FGF10: variants seen among roughly 807,000 people sequenced by gnomAD.
FGF10 encodes FGF-10.
In FGF10, 2 loss-of-function variants were observed where a neutral mutation model predicts 19.8. The observed-to-expected ratio is 0.10, with a 90% CI of 0.04 to 0.32. The LOEUF (loss-of-function observed/expected upper bound fraction) is 0.32, where lower values mean the gene tolerates loss of function less well. Ranked by LOEUF, FGF10 falls within the 10% of genes least tolerant of loss-of-function variation. The pLI, the probability that FGF10 is intolerant of heterozygous loss-of-function variation, is 1.00. For missense variants in FGF10, 191 were observed against 246.3 expected, an observed-to-expected ratio of 0.78 and a Z score of 1.50; for synonymous variants, 112 against 94.0, an observed-to-expected ratio of 1.19 and a Z score of -1.10.
At chr5:44,357,534 A>G (rs1316058253) in intron 1 of FGF10, among the ~76,000 whole-genome samples, 5 of 151,542 alleles carry the variant, frequency 3.3e-5, no homozygotes, top group African/African-American at 7.3e-5. Flanking sequence ...TGAGTGAGGT[A>G]CAATTAGTAT....
chr5:44,367,993 C>T (rs1279860530), intron 1 of FGF10, among the ~76,000 whole-genome samples: 1 of 151,546 alleles, frequency 6.6e-6, no homozygotes, highest in Non-Finnish European at 1.5e-5. Context: ...CATAGGGAAA[C>T]AAGGATTTTT....
intron 1 of FGF10, among the ~76,000 whole-genome samples, chr5:44,338,592 C>G (rs1290906340): frequency 2.0e-5 from 3 of 152,124 alleles, no homozygotes; most frequent in African/African-American, 7.2e-5. Flanking sequence ...AAAAGATCAG[C>G]AAAGCTTTTC....
chr5:44,357,312 C>G (rs956850598), intron 1 of FGF10, among the ~76,000 whole-genome samples: 1 of 151,398 alleles, frequency 6.6e-6, no homozygotes, highest in Admixed American at 6.6e-5. Flanking sequence ...AAAGTCACAG[C>G]TTCCCAGTGT....
intron 1 of FGF10, among the ~76,000 whole-genome samples, chr5:44,313,524 T>A (rs929049066): frequency 1.7e-4 from 26 of 151,978 alleles, no homozygotes; most frequent in Non-Finnish European, 3.4e-4. Context: ...ATACTGGATC[T>A]CCCCGTGTTT....
intron 1 of FGF10, among the ~76,000 whole-genome samples, chr5:44,325,141 T>G (rs893209685): frequency 6.6e-6 from 1 of 152,206 alleles, no homozygotes; most frequent in East Asian, 1.9e-4. Context: ...AAAATGCTCA[T>G]CATCACTGGC....
chr5:44,347,327 C>T (rs1464359367), intron 1 of FGF10, among the ~76,000 whole-genome samples: 1 of 151,658 alleles, frequency 6.6e-6, no homozygotes, highest in African/African-American at 2.4e-5. Flanking sequence ...GTCACACTCT[C>T]CTGCCTAAAA....
chr5:44,373,165 A>G (rs563017899), intron 1 of FGF10, among the ~76,000 whole-genome samples: 2 of 152,292 alleles, frequency 1.3e-5, no homozygotes, highest in East Asian at 3.9e-4. Context: ...GATTCATGCC[A>G]TGAGAGGGTT....
At chr5:44,316,306 G>C (rs1303810697) in intron 1 of FGF10, among the ~76,000 whole-genome samples, 1 of 152,144 alleles carries the variant, frequency 6.6e-6, no homozygotes, top group Non-Finnish European at 1.5e-5. Flanking sequence ...CTGGCCTATA[G>C]CTCATAGGGT....
intron 1 of FGF10, among the ~76,000 whole-genome samples, chr5:44,342,967 C>G (rs1741002009): frequency 6.6e-6 from 1 of 151,858 alleles, no homozygotes; most frequent in African/African-American, 2.4e-5. Context: ...ATTTCCTCAC[C>G]ATTCCATCAA....
At chr5:44,376,394 T>C (rs1430442988) in intron 1 of FGF10, among the ~76,000 whole-genome samples, 1 of 150,006 alleles carries the variant, frequency 6.7e-6, no homozygotes, top group Non-Finnish European at 1.5e-5. Context: ...AACACTTACA[T>C]GTACTCCTTT....
rs569753513 is a variant in FGF10, at chr5:44,369,989, G to T, written c.325+18369C>A. On this transcript the variant is annotated intron_variant, in intron 1 of 2. Coordinates refer to ENST00000264664, the MANE Select transcript of FGF10 (RefSeq NM_004465.2). The stretch of plus-strand genomic sequence containing the variant: ...TTATTGTTTTTTAGAGATTATTAAA[G>T]TTCAGATTTCTATGTGTGAACATAT... Among the ~76,000 whole-genome samples the T allele has an allele frequency of 1.3e-4, 19 of 151,994 alleles. 1 individual carries two copies. The South Asian group carries it at 2.1e-3, about 17-fold the overall frequency.
chr5:44,336,541 T>C (rs1477098601), intron 1 of FGF10, among the ~76,000 whole-genome samples: 2 of 152,126 alleles, frequency 1.3e-5, no homozygotes, highest in East Asian at 3.9e-4. Context: ...AACTGTCTCA[T>C]GGAAAGATTT....
At chr5:44,331,453 G>C (rs1443804223) in intron 1 of FGF10, among the ~76,000 whole-genome samples, 1 of 152,120 alleles carries the variant, frequency 6.6e-6, no homozygotes, top group Admixed American at 6.6e-5. Flanking sequence ...CTGGAAATGT[G>C]ACTGTGCCTT....
rs1160643521 is a variant in FGF10, at chr5:44,300,990, TA to T, written c.*4004del. Among the ~76,000 whole-genome samples, 1 of 152,120 alleles carries T rather than the reference TA, an allele frequency of 6.6e-6. No individual in the cohort carries two copies. The highest frequency in any genetic ancestry group is 2.4e-5 in the African/African-American group (1 of 41,452). On this transcript the variant is annotated 3_prime_UTR_variant, in exon 3 of 3. Coordinates refer to ENST00000264664, the MANE Select transcript of FGF10 (RefSeq NM_004465.2). The stretch of plus-strand genomic sequence containing the variant: ...CTAGAAGCAATCTGGCCTAACCAAA[TA>T]AAACCAATGAAGGGTAACAGAAAAT...
chr5:44,370,432 C>G (rs1741718173), intron 1 of FGF10, among the ~76,000 whole-genome samples: 1 of 152,090 alleles, frequency 6.6e-6, no homozygotes. Flanking sequence ...CTCATGTGCT[C>G]TTTGTGCTCA....
intron 1 of FGF10, among the ~76,000 whole-genome samples, chr5:44,380,546 A>G (rs1056469106): frequency 5.3e-5 from 8 of 152,196 alleles, no homozygotes; most frequent in Admixed American, 3.3e-4. Flanking sequence ...CCTAGGTTTT[A>G]TTTTTAAAAG....
intron 1 of FGF10, among the ~76,000 whole-genome samples, chr5:44,336,517 G>A (rs1740856978): frequency 6.6e-6 from 1 of 152,116 alleles, no homozygotes; most frequent in African/African-American, 2.4e-5. Flanking sequence ...CTCCTCCGGG[G>A]AGAGGTGGAG....
At chr5:44,354,379 A>G (rs2111833210) in intron 1 of FGF10, among the ~76,000 whole-genome samples, 1 of 151,694 alleles carries the variant, frequency 6.6e-6, no homozygotes, top group Non-Finnish European at 1.5e-5. Flanking sequence ...TTAAAATAAT[A>G]TAATCAGTAG....
rs148032639 is a variant in FGF10, at chr5:44,388,642, G to A, written c.41C>T (p.Pro14Leu). The A allele has an allele frequency of 2.0e-5, 32 of 1,613,982 alleles. No individual in the cohort carries two copies. The African/African-American group carries it at 4.0e-4, about 20-fold the overall frequency. ...WILTHCASAF[P>L]HLPGCCCCCF... ...GCAGCAGCAGCAGCCGGGCAGGTGG[G>A]GAAAGGCTGAGGCACAATGTGTCAG... The change falls in exon 1 of 3, where the codon CCC becomes CTC. Residue 14 changes from proline to leucine, a missense_variant. Pro to Leu is a moderately conservative substitution (Grantham distance 98). Around this residue, in one of 2 missense-constraint regions of FGF10, gnomAD observed 92 missense variants for 84.6 expected, o/e 1.09. Transcript: ENST00000264664.
Sources: gnomAD v4.1 joint callset for allele counts (sites outside exome capture counted in the v4.1 genomes callset) on GRCh38, gnomAD v4.1.1 for gene constraint, gnomAD v4.1.1 regional missense constraint, MANE v1.5 for transcripts, NCBI Gene and HGNC (gene_info 2026-07-23, HGNC 2026-07-21) for gene names.